Variants in CCDC60 observed in about 807,000 individuals in gnomAD.
CCDC60 encodes coiled-coil domain containing 60.
In CCDC60, 54 loss-of-function variants were observed where a neutral mutation model predicts 63.5. That is an observed-to-expected ratio of 0.85 (90% CI 0.68 to 1.07). CCDC60 has a LOEUF of 1.07. Among genes scored for constraint, CCDC60 ranks in the 50% least tolerant of loss-of-function variants. The pLI, the probability that CCDC60 is intolerant of heterozygous loss-of-function variation, is 0.00. For missense variants in CCDC60, 651 were observed against 684.3 expected (o/e 0.95, Z 0.54); for synonymous variants, 206 against 238.8 (o/e 0.86, Z 1.27).
intron 2 of CCDC60, among the ~76,000 whole-genome samples, chr12:119,465,052 CT>C (rs1285642113): frequency 6.6e-6 from 1 of 152,220 alleles, no homozygotes; most frequent in Non-Finnish European, 1.5e-5. Flanking sequence ...TGGCTCATGC[CT>C]GTAATCCCAG....
rs1318919707 is a variant in CCDC60 at position 119,465,186 on chromosome 12, G to A, written c.171-6808G>A. On this transcript the variant is annotated intron_variant, in intron 2 of 13. Transcript: ENST00000327554. ...CAATTAGCCAGGCCTGGTGGCGGGC[G>A]CCTGTAGTCCCAGCTAGTCAGGAGG... 9.2e-5 allele frequency among the ~76,000 whole-genome samples: 14 copies of A among 152,062 alleles called. No homozygotes were observed. The East Asian group carries it at 1.4e-3, about 15-fold the overall frequency.
At chr12:119,353,734 A>C (rs535708424) in intron 1 of CCDC60, among the ~76,000 whole-genome samples, 1 of 150,696 alleles carries the variant, frequency 6.6e-6, no homozygotes, top group East Asian at 2.0e-4. Context: ...CAGCCTCCCA[A>C]GTAGCTGGGA....
intron 7 of CCDC60, among the ~76,000 whole-genome samples, chr12:119,507,299 CTG>C (rs1212873541): frequency 6.6e-6 from 1 of 151,684 alleles, no homozygotes; most frequent in African/African-American, 2.4e-5. Flanking sequence ...CCGCCCCTGC[CTG>C]TCAACAGGGG....
At chr12:119,387,557 TATG>T (rs1468904327) in intron 1 of CCDC60, among the ~76,000 whole-genome samples, 2 of 152,240 alleles carry the variant, frequency 1.3e-5, no homozygotes, top group African/African-American at 4.8e-5. Context: ...CTTTTATGTA[TATG>T]ATGTGATTCC....
chr12:119,514,850 A>G (rs1372356266), intron 7 of CCDC60, among the ~76,000 whole-genome samples: 1 of 152,190 alleles, frequency 6.6e-6, no homozygotes, highest in Admixed American at 6.5e-5. Flanking sequence ...TCCATTTATG[A>G]TAAGTACCCT....
At chr12:119,533,802 T>C (rs532162089) in intron 13 of CCDC60, among the ~76,000 whole-genome samples, 4 of 152,348 alleles carry the variant, frequency 2.6e-5, no homozygotes, top group South Asian at 4.1e-4. Context: ...ACCAGTACCA[T>C]GCAGTTTTGG....
intron 13 of CCDC60, among the ~76,000 whole-genome samples, chr12:119,536,104 T>C (rs1251123793): frequency 6.6e-6 from 1 of 152,344 alleles, no homozygotes; most frequent in East Asian, 1.9e-4. Context: ...TGCTCCTGTA[T>C]TTGGTGCATC....
At chr12:119,385,797 A>G (rs7298829) in intron 1 of CCDC60, among the ~76,000 whole-genome samples, 11,544 of 152,150 alleles carry the variant, frequency 0.076, 516 homozygotes, top group Middle Eastern at 0.15. Flanking sequence ...TAACCTCTTC[A>G]CTGCCAGTCG....
intron 2 of CCDC60, among the ~76,000 whole-genome samples, chr12:119,443,211 C>T (rs1342528229): frequency 1.3e-5 from 2 of 152,172 alleles, no homozygotes; most frequent in African/African-American, 4.8e-5. Context: ...GTTCTGATGG[C>T]TTTTACTCCA....
At chr12:119,386,660 T>C (rs1299267816) in intron 1 of CCDC60, among the ~76,000 whole-genome samples, 1 of 152,156 alleles carries the variant, frequency 6.6e-6, no homozygotes, top group East Asian at 1.9e-4. Flanking sequence ...GTGTAGTATT[T>C]TCTCTCCAGG....
intron 1 of CCDC60, among the ~76,000 whole-genome samples, chr12:119,374,716 T>C (rs1322975052): frequency 6.6e-6 from 1 of 152,176 alleles, no homozygotes; most frequent in Non-Finnish European, 1.5e-5. Context: ...AGTGTATTTA[T>C]AGTTAGTTCT....
intron 4 of CCDC60, chr12:119,479,855 G>A (rs1295359133): frequency 6.6e-6 from 1 of 152,006 alleles, no homozygotes; most frequent in Admixed American, 6.6e-5. Flanking sequence ...GTTGTGAAAG[G>A]CTGTCCTGTG....
At chr12:119,422,216 A>G (rs1436927046) in intron 1 of CCDC60, among the ~76,000 whole-genome samples, 4 of 152,224 alleles carry the variant, frequency 2.6e-5, no homozygotes, top group Non-Finnish European at 5.9e-5. Context: ...TCTGAAGCCA[A>G]TGGCACATCC....
intron 7 of CCDC60, among the ~76,000 whole-genome samples, chr12:119,509,934 A>C (rs575764050): frequency 7.2e-5 from 11 of 152,306 alleles, no homozygotes; most frequent in South Asian, 6.2e-4. Context: ...AAAAATAAAA[A>C]ATAAACGATG....
At chr12:119,445,253 G>A (rs1950520949) in intron 2 of CCDC60, among the ~76,000 whole-genome samples, 1 of 151,692 alleles carries the variant, frequency 6.6e-6, no homozygotes, top group Non-Finnish European at 1.5e-5. Context: ...GGTCAACATG[G>A]TGAAACCCCG....
At chr12:119,370,429 C>T (rs994482461) in intron 1 of CCDC60, among the ~76,000 whole-genome samples, 2 of 152,182 alleles carry the variant, frequency 1.3e-5, no homozygotes, top group African/African-American at 4.8e-5. Context: ...AAAGAAGTGC[C>T]TCGCAAAGGT....
At chr12:119,448,953 C>CCAAG (rs1034917327) in intron 2 of CCDC60, among the ~76,000 whole-genome samples, 52 of 152,160 alleles carry the variant, frequency 3.4e-4, no homozygotes, top group African/African-American at 1.2e-3. Flanking sequence ...AAGCCCTGAG[C>CCAAG]CAAGGCACCT....
chr12:119,473,944 C>G (rs115468880), intron 3 of CCDC60, among the ~76,000 whole-genome samples: 2,046 of 152,276 alleles, frequency 0.013, 38 homozygotes, highest in African/African-American at 0.046. Flanking sequence ...GTGCAAGTGT[C>G]TTTTTCAGAC....
intron 4 of CCDC60, among the ~76,000 whole-genome samples, chr12:119,485,516 T>C (rs572684682): frequency 1.8e-4 from 27 of 152,304 alleles, no homozygotes; most frequent in Non-Finnish European, 2.6e-4. Context: ...GCTGTCAGCG[T>C]TGGTTTCTCC....
Sources: gnomAD v4.1 joint callset for allele counts (sites outside exome capture counted in the v4.1 genomes callset) on GRCh38, gnomAD v4.1.1 for gene constraint, MANE v1.5 for transcripts, NCBI Gene and HGNC (gene_info 2026-07-23, HGNC 2026-07-21) for gene names.